DYNC1I1: variants seen among roughly 807,000 people sequenced by gnomAD.
The protein encoded by DYNC1I1 is dynein cytoplasmic 1 intermediate chain 1.
DYNC1I1 carries 43 observed loss-of-function variants against 86.6 expected under a neutral mutation model. That is an observed-to-expected ratio of 0.50 (90% CI 0.39 to 0.64). The LOEUF is 0.64. Ranked by LOEUF, DYNC1I1 falls within the 30% of genes least tolerant of loss-of-function variation. The probability of loss-of-function intolerance (pLI) is 0.00; values close to 1 mark genes in which losing one functional copy is unlikely to be tolerated. For missense variants in DYNC1I1, 604 were observed against 788.8 expected (o/e 0.77, Z 2.81); for synonymous variants, 262 against 283.7 (o/e 0.92, Z 0.77).
chr7:95,983,403 C>G (rs760694380), intron 7 of DYNC1I1, among the ~76,000 whole-genome samples: 1 of 152,094 alleles, frequency 6.6e-6, no homozygotes, highest in African/African-American at 2.4e-5. Context: ...CTAATATTAC[C>G]TGGAGAGCAT....
At chr7:95,915,247 A>C (rs1003019887) in intron 6 of DYNC1I1, among the ~76,000 whole-genome samples, 1 of 152,200 alleles carries the variant, frequency 6.6e-6, no homozygotes, top group African/African-American at 2.4e-5. Flanking sequence ...TTGTTCCAGA[A>C]GCTTTGTGCA....
intron 1 of DYNC1I1, among the ~76,000 whole-genome samples, chr7:95,791,666 C>T (rs528675658): frequency 4.1e-4 from 63 of 152,204 alleles, no homozygotes; most frequent in African/African-American, 9.4e-4. Context: ...TGAATTTATT[C>T]GTTGAGATAA....
At chr7:96,101,318 C>T (rs1008182801), downstream of DYNC1I1, among the ~76,000 whole-genome samples, 2 of 152,124 alleles carry the variant, frequency 1.3e-5, no homozygotes, top group African/African-American at 2.4e-5. Context: ...AAGACTGTTA[C>T]CTCAATAAAA....
downstream of DYNC1I1, among the ~76,000 whole-genome samples, chr7:96,100,171 A>G (rs973712703): frequency 1.3e-5 from 2 of 152,224 alleles, no homozygotes; most frequent in Non-Finnish European, 2.9e-5. Flanking sequence ...AAGACTAAGT[A>G]TGGCAAAGAT....
intron 12 of DYNC1I1, among the ~76,000 whole-genome samples, chr7:96,033,320 A>C (rs889733992): frequency 1.3e-5 from 2 of 152,234 alleles, no homozygotes; most frequent in Admixed American, 6.5e-5. Context: ...AAAATGAAAA[A>C]GTTCCAAAGT....
chr7:95,949,748 A>G (rs1233498029), intron 6 of DYNC1I1, among the ~76,000 whole-genome samples: 1 of 152,228 alleles, frequency 6.6e-6, no homozygotes, highest in African/African-American at 2.4e-5. Context: ...ATTAACAGGT[A>G]AATGTAAGAG....
chr7:96,080,675 C>T (rs1790487502), intron 16 of DYNC1I1, among the ~76,000 whole-genome samples, 187 bp downstream of exon 16: 1 of 152,166 alleles, frequency 6.6e-6, no homozygotes, highest in Non-Finnish European at 1.5e-5. Flanking sequence ...TGTCTCCATG[C>T]ACAGAACACT....
intron 6 of DYNC1I1, among the ~76,000 whole-genome samples, chr7:95,928,155 T>C (rs1791795417): frequency 6.6e-6 from 1 of 152,240 alleles, no homozygotes; most frequent in African/African-American, 2.4e-5. Flanking sequence ...ACTGCCTTGC[T>C]TCCTCCTTCA....
At chr7:96,000,734 T>C (rs1793989523) in intron 10 of DYNC1I1, among the ~76,000 whole-genome samples, 1 of 152,176 alleles carries the variant, frequency 6.6e-6, no homozygotes, top group African/African-American at 2.4e-5. Flanking sequence ...TACCCTCCTC[T>C]AGAGTCTTCT....
Position 95,924,205 on chromosome 7 carries a change from G to T in DYNC1I1, c.491-53307G>T, listed in dbSNP as rs560259840. Reference sequence around the variant, plus strand: ...TCTGAGATACAATCTTCTGTGTTTTGTATCTCAAATTGTCCCATTGCTTTG... The same window carrying T: ...TCTGAGATACAATCTTCTGTGTTTTTTATCTCAAATTGTCCCATTGCTTTG... On this transcript the variant is annotated intron_variant, in intron 6 of 16. Transcript: ENST00000447467. Among the ~76,000 whole-genome samples, 19 of 152,190 alleles carry T rather than the reference G, an allele frequency of 1.2e-4. No individual in the cohort carries two copies. In the South Asian group the frequency reaches 3.9e-3, roughly 32 times the overall value.
At chr7:95,884,634 T>C (rs760121530) in intron 6 of DYNC1I1, among the ~76,000 whole-genome samples, 3 of 151,826 alleles carry the variant, frequency 2.0e-5, no homozygotes, top group Non-Finnish European at 2.9e-5. Flanking sequence ...GTTAAAAGGA[T>C]AATAGAGACA....
intron 5 of DYNC1I1, among the ~76,000 whole-genome samples, chr7:95,856,637 A>C (rs1789731359): frequency 6.6e-6 from 1 of 152,130 alleles, no homozygotes; most frequent in Non-Finnish European, 1.5e-5. Flanking sequence ...GTTCCTCAGG[A>C]ATCACCTCTA....
At chr7:95,994,964 T>C (rs1322354827) in intron 9 of DYNC1I1, among the ~76,000 whole-genome samples, 2 of 152,078 alleles carry the variant, frequency 1.3e-5, no homozygotes, top group African/African-American at 2.4e-5. Flanking sequence ...TAAAAATAAA[T>C]GGGCCAGGCA....
chr7:95,811,792 T>C (rs181525588), intron 3 of DYNC1I1, among the ~76,000 whole-genome samples: 1 of 152,268 alleles, frequency 6.6e-6, no homozygotes, highest in East Asian at 1.9e-4. Flanking sequence ...CATTTTTTTC[T>C]ACTTAGTTGA....
chr7:96,093,529 G>A (rs541836019), intron 16 of DYNC1I1, among the ~76,000 whole-genome samples: 1 of 152,250 alleles, frequency 6.6e-6, no homozygotes, highest in Non-Finnish European at 1.5e-5. Flanking sequence ...ATTATCTCAG[G>A]AATCTGAGCC....
At chr7:95,851,924 A>T (rs1423010424) in intron 5 of DYNC1I1, among the ~76,000 whole-genome samples, 2 of 152,174 alleles carry the variant, frequency 1.3e-5, no homozygotes, top group Non-Finnish European at 2.9e-5. Flanking sequence ...TTGGCCTCAC[A>T]AAGTGCTGGG....
intron 16 of DYNC1I1, among the ~76,000 whole-genome samples, chr7:96,104,203 G>A (rs572531367): frequency 9.5e-4 from 144 of 152,138 alleles, no homozygotes; most frequent in African/African-American, 3.4e-3. Context: ...ATTTAGAAGA[G>A]TTTTCTTTAT....
intron 1 of DYNC1I1, among the ~76,000 whole-genome samples, chr7:95,773,098 G>C (rs1342425369): frequency 6.6e-6 from 1 of 152,182 alleles, no homozygotes; most frequent in Non-Finnish European, 1.5e-5. Flanking sequence ...GGTCTTCCCC[G>C]GGGGAGCAGT....
intron 16 of DYNC1I1, among the ~76,000 whole-genome samples, chr7:96,104,629 C>T (rs1431867091): frequency 6.6e-6 from 1 of 152,010 alleles, no homozygotes; most frequent in East Asian, 1.9e-4. Context: ...AGATTATTTT[C>T]TTTTTGTTCA....
Sources: allele counts gnomAD v4.1 joint callset (sites outside exome capture counted in the v4.1 genomes callset), GRCh38; gene constraint gnomAD v4.1.1; transcripts MANE v1.5; gene names NCBI Gene and HGNC (gene_info 2026-07-23, HGNC 2026-07-21).